Variants in ME3 observed in about 807,000 individuals in gnomAD.
ME3 encodes NADP-dependent malic enzyme, mitochondrial.
Under a neutral mutation model 68.9 loss-of-function variants are expected in ME3, and 48 were observed. That is an observed-to-expected ratio of 0.70 (90% CI 0.55 to 0.89). The LOEUF (loss-of-function observed/expected upper bound fraction) is 0.89. Ranked by LOEUF, ME3 falls within the 40% of genes least tolerant of loss-of-function variation. The pLI is 0.00. For synonymous variants in ME3, 320 were observed against 318.8 expected (o/e 1.00, Z -0.04); for missense variants, 675 against 797.4 (o/e 0.85, Z 1.85).
chr11:86,582,885 T>C (rs11234702), intron 2 of ME3, among the ~76,000 whole-genome samples: 71,988 of 150,380 alleles, frequency 0.48, 18,794 homozygotes, highest in East Asian at 0.71. Flanking sequence ...AACAAAAGGC[T>C]TTCTCTGTAT....
chr11:86,508,771 G>A, intron 5 of ME3, 21 bp downstream of exon 5: 1 of 1,584,916 alleles, frequency 6.3e-7, no homozygotes, highest in Non-Finnish European at 8.7e-7. Flanking sequence ...TGATTAAATA[G>A]CAATGAAAAC....
Position 86,450,315 on chromosome 11 carries a change from G to A in ME3, c.1003C>T (p.Gln335Ter). The change falls in exon 9 of 15, where the codon CAA becomes TAA. Residue 335 changes from glutamine to a stop codon, truncating the protein, a stop_gained. Transcript: ENST00000543262. LOFTEE classifies it high-confidence loss of function. ...ATGCCACATACCTCGCCTGCACCTT[G>A]GAAAACAAACACGTGATTGGAAAGC... 6.2e-7 allele frequency: 1 copy of A among 1,614,104 alleles called. No homozygotes were observed. Among genetic ancestry groups the A allele is most frequent in the Non-Finnish European group, 8.5e-7 (1 of 1,180,000 alleles).
At chr11:86,587,471 C>A (rs943171143) in intron 2 of ME3, among the ~76,000 whole-genome samples, 2 of 152,136 alleles carry the variant, frequency 1.3e-5, no homozygotes, top group African/African-American at 4.8e-5. Flanking sequence ...TTCCTCATGC[C>A]CCACCGTGCT....
At chr11:86,664,064 A>G (rs1946444904) in intron 2 of ME3, among the ~76,000 whole-genome samples, 2 of 152,242 alleles carry the variant, frequency 1.3e-5, no homozygotes, top group Non-Finnish European at 2.9e-5. Flanking sequence ...GCTTGAAAGG[A>G]GACGACTTCA....
At chr11:86,586,982 A>G (rs1305916391) in intron 2 of ME3, among the ~76,000 whole-genome samples, 2 of 152,208 alleles carry the variant, frequency 1.3e-5, no homozygotes, top group Non-Finnish European at 2.9e-5. Flanking sequence ...GGAAGTGGCA[A>G]GGATGTGCAG....
chr11:86,659,364 G>T (rs1054099516), intron 2 of ME3, among the ~76,000 whole-genome samples: 1 of 152,168 alleles, frequency 6.6e-6, no homozygotes, highest in Non-Finnish European at 1.5e-5. Context: ...TTTCAAAGAT[G>T]GTAGGTAGAA....
chr11:86,442,860 G>A, exon 14 of ME3: 1 of 1,613,638 alleles, frequency 6.2e-7, no homozygotes, highest in Admixed American at 1.7e-5. Flanking sequence ...GGATGGTGCT[G>A]AGTGGTGGGT....
chr11:86,462,754 T>C (rs1172762576), intron 8 of ME3: 3 of 483,070 alleles, frequency 6.2e-6, no homozygotes, highest in African/African-American at 5.9e-5. Context: ...GACAATGCAA[T>C]ACAGGCTTTT....
rs183919216 is a variant in ME3, at chr11:86,552,516, C to T, written c.467+4037G>A. On this transcript the variant is annotated intron_variant, in intron 4 of 14. Transcript: ENST00000543262. ...CCCTTGTTATCTCAGGACCCTGGTCCGCCTTCAGCAATAATCCCATCCTGT... is the reference window on the plus strand; with the variant it reads ...CCCTTGTTATCTCAGGACCCTGGTCTGCCTTCAGCAATAATCCCATCCTGT... 1.2e-4 allele frequency among the ~76,000 whole-genome samples: 19 copies of T among 152,270 alleles called. No individual in the cohort carries two copies. The East Asian group carries it at 2.9e-3, about 23-fold the overall frequency.
chr11:86,629,011 A>G (rs534063858), intron 2 of ME3, among the ~76,000 whole-genome samples: 2 of 152,240 alleles, frequency 1.3e-5, no homozygotes, highest in Non-Finnish European at 2.9e-5. Context: ...TCTTGCATTA[A>G]CAATTCCAAT....
At chr11:86,573,584 A>T (rs916557013) in intron 2 of ME3, among the ~76,000 whole-genome samples, 1 of 151,964 alleles carries the variant, frequency 6.6e-6, no homozygotes, top group African/African-American at 2.4e-5. Context: ...AAACAGAGAC[A>T]ATTTGACTTC....
chr11:86,627,688 A>C (rs1205629526), intron 2 of ME3, among the ~76,000 whole-genome samples: 1 of 152,142 alleles, frequency 6.6e-6, no homozygotes, highest in Non-Finnish European at 1.5e-5. Context: ...ATCAACCTCA[A>C]AATCATAACC....
At chr11:86,535,141 A>G (rs968284039) in intron 4 of ME3, among the ~76,000 whole-genome samples, 46 of 152,184 alleles carry the variant, frequency 3.0e-4, no homozygotes, top group African/African-American at 1.1e-3. Context: ...TTGTCCTGCT[A>G]TTACTTGAAT....
At position 86,593,303 on chromosome 11, in the gene ME3, T is replaced by A. The variant is rs1318433317; in HGVS notation, c.184-33480A>T. Among the ~76,000 whole-genome samples the A allele has an allele frequency of 2.2e-5, 3 of 138,484 alleles. 1 individual carries two copies. Among genetic ancestry groups the A allele is most frequent in the African/African-American group, 8.0e-5 (3 of 37,420 alleles). 90.9% of individuals were successfully genotyped at this position (138,484 alleles called of 152,430 possible). A position where few individuals can be genotyped will look rare whatever the true frequency, so the allele number is the denominator to read the frequency against. On this transcript the variant is annotated intron_variant, in intron 2 of 14. Coordinates refer to ENST00000543262, the Ensembl canonical transcript of ME3. Reference sequence around the variant, plus strand: ...GGAAGTGACAATGTCATTCCTAACCTGTTGGAATTTTAACACCTGTCATAA... The same window carrying A: ...GGAAGTGACAATGTCATTCCTAACCAGTTGGAATTTTAACACCTGTCATAA...
chr11:86,438,205 A>C (rs117366122), downstream of ME3, among the ~76,000 whole-genome samples: 2,060 of 152,156 alleles, frequency 0.014, 20 homozygotes, highest in Middle Eastern at 0.031. Flanking sequence ...GTTTTTTTCA[A>C]ATGCTTTCTT....
At chr11:86,461,394 T>C (rs1950217531) in intron 8 of ME3, among the ~76,000 whole-genome samples, 2 of 152,178 alleles carry the variant, frequency 1.3e-5, no homozygotes, top group Admixed American at 1.3e-4. Context: ...TCTGTGTGCA[T>C]GCAAAATGTT....
rs115593955 is a variant in ME3 at position 86,594,560 on chromosome 11, T to C, written c.184-34737A>G. Reference sequence around the variant, plus strand: ...TAATAAAAAAATCAGCCAGGTGTGGTGATGCATGCTTATAGCCCAGCTACT... The same window carrying C: ...TAATAAAAAAATCAGCCAGGTGTGGCGATGCATGCTTATAGCCCAGCTACT... On this transcript the variant is annotated intron_variant, in intron 2 of 14. Transcript: ENST00000543262. 3.9e-3 allele frequency among the ~76,000 whole-genome samples: 561 copies of C among 145,350 alleles called. 65 individuals carry two copies. The highest frequency in any genetic ancestry group is 0.013 in the African/African-American group (527 of 39,424).
chr11:86,439,209 G>A (rs1482634235), downstream of ME3, among the ~76,000 whole-genome samples: 1 of 152,090 alleles, frequency 6.6e-6, no homozygotes, highest in Non-Finnish European at 1.5e-5. Flanking sequence ...AAATTTCTGG[G>A]CACCCTGTGG....
intron 2 of ME3, among the ~76,000 whole-genome samples, chr11:86,586,732 TG>T (rs1169400757): frequency 6.6e-6 from 1 of 151,854 alleles, no homozygotes; most frequent in Non-Finnish European, 1.5e-5. Context: ...AATAAAAGGA[TG>T]GGGGAAAACA....
Sources: gnomAD v4.1 joint callset for allele counts (sites outside exome capture counted in the v4.1 genomes callset) on GRCh38, gnomAD v4.1.1 for gene constraint, MANE v1.5 for transcripts, NCBI Gene and HGNC (gene_info 2026-07-23, HGNC 2026-07-21) for gene names.